KCNN1: variants seen among roughly 807,000 people sequenced by gnomAD.
KCNN1 encodes the protein potassium calcium-activated channel subfamily N member 1.
KCNN1 carries 20 observed loss-of-function variants against 44.7 expected under a neutral mutation model. The observed-to-expected ratio is 0.45, with a 90% CI of 0.32 to 0.65. The LOEUF (loss-of-function observed/expected upper bound fraction) is 0.65. Among genes scored for constraint, KCNN1 ranks in the 30% least tolerant of loss-of-function variants. The pLI is 0.05. For missense variants in KCNN1, 632 were observed against 785.3 expected (o/e 0.80, Z 2.33); for synonymous variants, 324 against 341.7 (o/e 0.95, Z 0.57).
chr19:17,966,599 G>C (rs1283209271), upstream of KCNN1, among the ~76,000 whole-genome samples: 3 of 152,078 alleles, frequency 2.0e-5, no homozygotes, highest in African/African-American at 7.2e-5. Context: ...CTCTAACCGA[G>C]TGCCCCAGCA....
At chr19:17,986,568 C>T (rs1039928661) in intron 5 of KCNN1, among the ~76,000 whole-genome samples, 3 of 152,194 alleles carry the variant, frequency 2.0e-5, no homozygotes, top group African/African-American at 7.2e-5. Context: ...TTCCCTAATT[C>T]AGTCATCGGG....
At chr19:17,990,423 G>T (rs1334709420) in intron 7 of KCNN1, among the ~76,000 whole-genome samples, 1 of 150,390 alleles carries the variant, frequency 6.6e-6, no homozygotes. Flanking sequence ...GGTCAAGGCT[G>T]CAGTGAGCCA....
rs140026612 is a variant in KCNN1, at chr19:17,975,668, G to A, written c.498+481G>A. Among the ~76,000 whole-genome samples the A allele has an allele frequency of 4.4e-3, 662 of 151,906 alleles. 7 individuals carry two copies. The highest frequency in any genetic ancestry group is 0.014 in the African/African-American group (587 of 41,442). On this transcript the variant is annotated intron_variant, in intron 3 of 9. Transcript: ENST00000684775. ...ACTCCTGACCTCCAGTGATCCACCC[G>A]TCTCAGCCTCCCAAAGTGCTAGGAT... is the stretch of plus-strand genomic sequence containing the variant.
chr19:17,975,740 A>T (rs1460764407), intron 3 of KCNN1, among the ~76,000 whole-genome samples: 2 of 149,612 alleles, frequency 1.3e-5, no homozygotes, highest in Non-Finnish European at 3.0e-5. Flanking sequence ...AGTTTTTGAG[A>T]CAGGGTCTCA....
upstream of KCNN1, among the ~76,000 whole-genome samples, chr19:17,966,222 G>A (rs1336817809): frequency 6.6e-6 from 1 of 152,222 alleles, no homozygotes; most frequent in Non-Finnish European, 1.5e-5. Context: ...AGAGAGATAG[G>A]AGGTGGGATC....
chr19:17,974,055 C>T lies in KCNN1; in HGVS notation c.167C>T (p.Pro56Leu). The change falls in exon 2 of 10, where the codon CCC (proline) becomes CTC (leucine). Residue 56 changes from proline (P) to leucine (L), a missense_variant. By Grantham distance (98) the Pro-to-Leu change is moderately conservative. Around this residue, in one of 3 missense-constraint regions of KCNN1, gnomAD observed 235 missense variants for 224.0 expected, o/e 1.05. Coordinates refer to ENST00000684775, the MANE Select transcript of KCNN1 (RefSeq NM_001386974.1). This position sits in a 1 kb window ranked among gnomAD's most constrained non-coding sequence, Gnocchi z 7.3. ...VAKSEPARPS[P>L]GSPRGQPQDQ... ...AAGAGTGAGCCAGCCCGGCCCTCAC[C>T]CGGCAGCCCCCGGGGGCAGCCCCAG... 1 of 1,610,684 alleles carries T rather than the reference C, an allele frequency of 6.2e-7. No homozygotes were observed. The highest frequency in any genetic ancestry group is 2.2e-5 in the East Asian group (1 of 44,840).
chr19:17,989,754 G>A lies in KCNN1; in HGVS notation c.1209G>A (p.Trp403Ter), dbSNP rs1238703672. The part of the protein sequence containing the change: ...NAAANVLRET[W>*]LIYKHTRLVK... ...CTGCTAACGTTCTCAGGGAGACGTGGCTCATCTACAAACATACCAGGCTGG... is the reference window on the plus strand; with the variant it reads ...CTGCTAACGTTCTCAGGGAGACGTGACTCATCTACAAACATACCAGGCTGG... The change falls in exon 7 of 10, where the codon TGG becomes TGA. Residue 403 changes from tryptophan (W) to a stop codon, truncating the protein, a stop_gained. Transcript: ENST00000684775. LOFTEE classifies it high-confidence loss of function. The A allele has an allele frequency of 6.2e-7, 1 of 1,613,812 alleles. No individual in the cohort carries two copies. Among genetic ancestry groups the A allele is most frequent in the African/African-American group, 1.3e-5 (1 of 74,916 alleles).
At chr19:17,958,025 G>A (rs1203045182) in intron 2 of KCNN1, among the ~76,000 whole-genome samples, 2 of 152,080 alleles carry the variant, frequency 1.3e-5, no homozygotes, top group Non-Finnish European at 2.9e-5. Flanking sequence ...AGAGAAGGGA[G>A]CACTCATTGT....
In KCNN1 at chr19:17,998,033, A is replaced by C; in HGVS notation, c.1378-119A>C. The C allele has an allele frequency of 1.7e-6, 2 of 1,144,026 alleles. No individual in the cohort carries two copies. Among genetic ancestry groups the C allele is most frequent in the South Asian group, 1.7e-5 (1 of 58,310 alleles). The allele number at this position is 1,144,026 out of a possible 1,614,324, so 70.9% of individuals were successfully genotyped here. A position where few individuals can be genotyped will look rare whatever the true frequency, so the allele number is the denominator to read the frequency against. On this transcript the variant is annotated intron_variant, in intron 9 of 9. Coordinates refer to ENST00000684775, the MANE Select transcript of KCNN1 (RefSeq NM_001386974.1). The surrounding 1 kb of genome is among the most constrained non-coding windows in gnomAD (Gnocchi z 5.4). ...AGCCACCCCTCACACGGGCCCCATT[A>C]GTGGCTGGCACCCACCTGGAGCGTG...
chr19:17,968,800 G>C (rs1436260667), intron 1 of KCNN1, among the ~76,000 whole-genome samples: 2 of 152,118 alleles, frequency 1.3e-5, no homozygotes, highest in African/African-American at 2.4e-5. Context: ...CTCATGACCA[G>C]ACAGAGTAGT....
At chr19:17,991,530 T>C (rs905864860) in intron 7 of KCNN1, among the ~76,000 whole-genome samples, 9 of 151,934 alleles carry the variant, frequency 5.9e-5, no homozygotes, top group Non-Finnish European at 1.3e-4. Context: ...GTGGATCCCC[T>C]GATGTCAGCC....
At chr19:17,982,320 C>T (rs2032446602) in intron 4 of KCNN1, among the ~76,000 whole-genome samples, 193 bp downstream of exon 4, 1 of 152,074 alleles carries the variant, frequency 6.6e-6, no homozygotes, top group Admixed American at 6.6e-5. Flanking sequence ...CCCTGGGGAC[C>T]TAACCCTGTG....
At chr19:17,991,533 T>A (rs1186502412) in intron 7 of KCNN1, among the ~76,000 whole-genome samples, 1 of 151,694 alleles carries the variant, frequency 6.6e-6, no homozygotes. Context: ...GATCCCCTGA[T>A]GTCAGCCTGG....
At chr19:17,984,920 C>T (rs2032542712) in intron 4 of KCNN1, among the ~76,000 whole-genome samples, 1 of 152,102 alleles carries the variant, frequency 6.6e-6, no homozygotes, top group Non-Finnish European at 1.5e-5. Flanking sequence ...CTCCAGTCCT[C>T]CTCCCTCCTT....
At position 17,952,804 on chromosome 19, in the gene KCNN1, G is replaced by A. The variant is rs143803554; in HGVS notation, c.-203+1395G>A. On this transcript the variant is annotated intron_variant, in intron 1 of 10. Coordinates refer to the KCNN1 transcript ENST00000222249. Reference sequence around the variant, plus strand: ...CACCTGCCAGCCTACTGTGCGCTGGGCTCCGGGTTCCTGTTCTTTTCCCTA... The same window carrying A: ...CACCTGCCAGCCTACTGTGCGCTGGACTCCGGGTTCCTGTTCTTTTCCCTA... Among the ~76,000 whole-genome samples the A allele has an allele frequency of 1.6e-4, 25 of 152,252 alleles. No individual in the cohort carries two copies. The East Asian group carries it at 4.6e-3, about 28-fold the overall frequency.
chr19:17,959,191 A>AT (rs1711998361), intron 2 of KCNN1, among the ~76,000 whole-genome samples: 2 of 144,560 alleles, frequency 1.4e-5, no homozygotes, highest in South Asian at 2.2e-4. Flanking sequence ...CACCCAGCTA[A>AT]TTTTTTGTAT....
chr19:17,989,799 C>T lies in KCNN1; in HGVS notation c.1254C>T (p.Ala418=). The T allele has an allele frequency of 6.2e-7, 1 of 1,613,958 alleles. No individual in the cohort carries two copies. Among genetic ancestry groups the T allele is most frequent in the Non-Finnish European group, 8.5e-7 (1 of 1,179,880 alleles). Residue 418 remains alanine (A), a synonymous_variant, in exon 7 of 10, where the codon GCC becomes GCT. Coordinates refer to ENST00000684775, the MANE Select transcript of KCNN1 (RefSeq NM_001386974.1). ...HTRLVKKPDQ[A]RVRKHQRKFL... The stretch of plus-strand genomic sequence containing the variant: ...GGCTGGTGAAGAAGCCAGACCAAGC[C>T]CGGGTTCGGAAACACCAGCGTAAGT...
rs1234804941 is a variant in KCNN1 at position 17,979,904 on chromosome 19, G to A, written c.499-1805G>A. 4.6e-5 allele frequency among the ~76,000 whole-genome samples: 7 copies of A among 152,114 alleles called. No individual in the cohort carries two copies. The South Asian group carries it at 6.2e-4, about 14-fold the overall frequency. Reference sequence around the variant, plus strand: ...TTAAGAGTTATACACACGTTCAGAAGGAAGAGAAAAGTACAGTGAAGGGCT... The same window carrying A: ...TTAAGAGTTATACACACGTTCAGAAAGAAGAGAAAAGTACAGTGAAGGGCT... On this transcript the variant is annotated intron_variant, in intron 3 of 9. Coordinates refer to ENST00000684775, the MANE Select transcript of KCNN1 (RefSeq NM_001386974.1).
At chr19:17,964,195 ACACT>A (rs553432784), upstream of KCNN1, among the ~76,000 whole-genome samples, 23 of 152,332 alleles carry the variant, frequency 1.5e-4, no homozygotes, top group South Asian at 4.6e-3. The surrounding 1 kb of genome is among the most constrained non-coding windows in gnomAD (Gnocchi z 4.3). Flanking sequence ...TGCCATCCTG[ACACT>A]CACTGGGGCC....
Sources: allele counts gnomAD v4.1 joint callset (sites outside exome capture counted in the v4.1 genomes callset), GRCh38; gene constraint gnomAD v4.1.1; regional missense constraint gnomAD v4.1.1; non-coding constraint Gnocchi (gnomAD v3.1); transcripts MANE v1.5; gene names NCBI Gene and HGNC (gene_info 2026-07-23, HGNC 2026-07-21).